The following LHFPL3 variants were observed in gnomAD, a reference collection of about 807,000 sequenced individuals.
The protein encoded by LHFPL3 is LHFPL tetraspan subfamily member 3.
Under a neutral mutation model 19.3 loss-of-function variants are expected in LHFPL3, and 5 were observed. The observed-to-expected ratio is 0.26, with a 90% CI of 0.14 to 0.54. LHFPL3 has a LOEUF of 0.54. LHFPL3 is among the 20% of genes least tolerant of loss of function. The pLI, the probability that LHFPL3 is intolerant of heterozygous loss-of-function variation, is 0.94. For synonymous variants in LHFPL3, 133 were observed against 126.2 expected (o/e 1.05, Z -0.36); for missense variants, 249 against 307.4 (o/e 0.81, Z 1.42).
intron 1 of LHFPL3, among the ~76,000 whole-genome samples, chr7:104,436,196 T>A (rs1408464484): frequency 6.6e-6 from 1 of 152,216 alleles, no homozygotes; most frequent in African/African-American, 2.4e-5. Flanking sequence ...TATATTACTT[T>A]CACCTTAAAA....
intron 2 of LHFPL3, among the ~76,000 whole-genome samples, chr7:104,886,474 C>T (rs1013025061): frequency 3.9e-5 from 6 of 152,154 alleles, no homozygotes; most frequent in African/African-American, 1.4e-4. Flanking sequence ...AAGCAATTCT[C>T]CTGCCTCAGC....
intron 1 of LHFPL3, among the ~76,000 whole-genome samples, chr7:104,445,231 C>T (rs1296472090): frequency 6.6e-6 from 1 of 152,084 alleles, no homozygotes; most frequent in Non-Finnish European, 1.5e-5. Flanking sequence ...ACAGATTGGT[C>T]TTTTATGAAA....
intron 1 of LHFPL3, among the ~76,000 whole-genome samples, chr7:104,428,432 C>T (rs1186734995): frequency 6.6e-6 from 1 of 152,066 alleles, no homozygotes; most frequent in African/African-American, 2.4e-5. Context: ...ACAAAGGAGC[C>T]GTTGTCTTTT....
intron 1 of LHFPL3, among the ~76,000 whole-genome samples, chr7:104,435,054 T>C (rs1223711138): frequency 6.6e-6 from 1 of 152,172 alleles, no homozygotes; most frequent in African/African-American, 2.4e-5. Flanking sequence ...CCTTATTGGG[T>C]GTCACAATGA....
intron 1 of LHFPL3, chr7:104,668,031 C>A (rs1325384565): frequency 6.2e-7 from 1 of 1,613,678 alleles, no homozygotes; most frequent in African/African-American, 1.3e-5. Flanking sequence ...CAAATCGCCA[C>A]CCTACACTGC....
At chr7:104,656,245 T>A (rs1011733620) in intron 1 of LHFPL3, among the ~76,000 whole-genome samples, 1 of 152,224 alleles carries the variant, frequency 6.6e-6, no homozygotes, top group Non-Finnish European at 1.5e-5. Context: ...GGACTTTTTT[T>A]TTTTTTCATG....
chr7:104,768,704 A>C (rs987900173), intron 2 of LHFPL3: 2 of 152,350 alleles, frequency 1.3e-5, no homozygotes, highest in East Asian at 3.9e-4. Flanking sequence ...CAGGAACAGA[A>C]TACCACTCCC....
chr7:104,812,493 C>CA (rs200237350), intron 2 of LHFPL3, among the ~76,000 whole-genome samples: 10 of 151,354 alleles, frequency 6.6e-5, no homozygotes, highest in South Asian at 2.1e-4. Context: ...CCCATGTCTA[C>CA]AAAAAAAAAT....
At chr7:104,342,937 A>G (rs1183729881) in intron 1 of LHFPL3, among the ~76,000 whole-genome samples, 2 of 151,878 alleles carry the variant, frequency 1.3e-5, no homozygotes, top group East Asian at 1.9e-4. Flanking sequence ...TCTGCAATCA[A>G]TATGAGTTTG....
rs914551566 is a variant in LHFPL3, at chr7:104,528,199, T to C, written c.445+198975T>C. On this transcript the variant is annotated intron_variant, in intron 1 of 2. Coordinates refer to ENST00000424859, the MANE Select transcript of LHFPL3 (RefSeq NM_199000.3). ...TTGATCATTTCAAAGGGATTGTTGT[T>C]TTCCTTTTGGGTATAACAGCCACCA... Among the ~76,000 whole-genome samples the C allele has an allele frequency of 5.3e-5, 8 of 152,330 alleles. No homozygotes were observed. The South Asian group carries it at 1.2e-3, about 24-fold the overall frequency.
At chr7:104,802,529 A>G (rs1336560733) in intron 2 of LHFPL3, among the ~76,000 whole-genome samples, 1 of 150,804 alleles carries the variant, frequency 6.6e-6, no homozygotes, top group East Asian at 1.9e-4. Context: ...AGAGAGAGCA[A>G]GGGAAGGCAG....
At chr7:104,658,345 TTCTC>T (rs1007246824) in intron 1 of LHFPL3, among the ~76,000 whole-genome samples, 1 of 152,202 alleles carries the variant, frequency 6.6e-6, no homozygotes, top group African/African-American at 2.4e-5. Flanking sequence ...TTTTCTTTCT[TTCTC>T]TCTCTTTTTT....
chr7:104,629,095 T>C (rs1562953748), intron 1 of LHFPL3, among the ~76,000 whole-genome samples: 2 of 152,210 alleles, frequency 1.3e-5, no homozygotes, highest in East Asian at 3.8e-4. Context: ...AATATGACTA[T>C]TTAAGAAACC....
intron 2 of LHFPL3, among the ~76,000 whole-genome samples, chr7:104,882,439 G>C (rs1047871562): frequency 6.6e-6 from 1 of 152,130 alleles, no homozygotes; most frequent in African/African-American, 2.4e-5. Context: ...GTAGAGACAA[G>C]GTTTCATCAT....
intron 2 of LHFPL3, among the ~76,000 whole-genome samples, chr7:104,802,056 C>G (rs1790260098): frequency 6.6e-6 from 1 of 152,142 alleles, no homozygotes; most frequent in Non-Finnish European, 1.5e-5. Flanking sequence ...ACCTCTTTCT[C>G]TACCCCTGCT....
intron 1 of LHFPL3, among the ~76,000 whole-genome samples, chr7:104,602,751 A>T (rs1790993839): frequency 6.6e-6 from 1 of 152,194 alleles, no homozygotes; most frequent in Admixed American, 6.5e-5. Flanking sequence ...CTTAAACAGA[A>T]ATGTATTTGG....
At chr7:104,496,120 T>G (rs1275967651) in intron 1 of LHFPL3, among the ~76,000 whole-genome samples, 1 of 152,010 alleles carries the variant, frequency 6.6e-6, no homozygotes, top group South Asian at 2.1e-4. Context: ...CCCTCCTCCT[T>G]CCCCCCACCC....
intron 1 of LHFPL3, among the ~76,000 whole-genome samples, chr7:104,595,062 C>T (rs771474891): frequency 1.1e-4 from 17 of 152,216 alleles, no homozygotes; most frequent in Non-Finnish European, 1.8e-4. Context: ...AGTCATTCTC[C>T]GTCTAGCTTT....
chr7:104,696,894 A>T (rs1424014570), intron 1 of LHFPL3, among the ~76,000 whole-genome samples: 1 of 152,230 alleles, frequency 6.6e-6, no homozygotes, highest in African/African-American at 2.4e-5. Context: ...TATAAGCCAC[A>T]AAGTCCCACA....
Sources: allele counts gnomAD v4.1 joint callset (sites outside exome capture counted in the v4.1 genomes callset), GRCh38; gene constraint gnomAD v4.1.1; transcripts MANE v1.5; gene names NCBI Gene and HGNC (gene_info 2026-07-23, HGNC 2026-07-21).